The following DLC1 variants were observed in gnomAD, a reference collection of about 807,000 sequenced individuals.
DLC1 encodes DLC1 Rho GTPase activating protein.
A neutral mutation model predicts 140.3 loss-of-function variants in DLC1; 54 were observed. The observed-to-expected ratio is 0.38, with a 90% CI of 0.31 to 0.48. The LOEUF (loss-of-function observed/expected upper bound fraction) is 0.48, where lower values mean the gene tolerates loss of function less well. Among genes scored for constraint, DLC1 ranks in the 20% least tolerant of loss-of-function variants. DLC1 has a pLI of 0.96. For synonymous variants in DLC1, 986 were observed against 728.1 expected (o/e 1.35, Z -5.70); for missense variants, 2,536 against 1,907.0 (o/e 1.33, Z -6.14).
intron 5 of DLC1, among the ~76,000 whole-genome samples, chr8:13,283,673 C>G (rs1188244747): frequency 6.6e-6 from 1 of 152,130 alleles, no homozygotes; most frequent in South Asian, 2.1e-4. Context: ...CACCACTATG[C>G]CTGGCTTATT....
chr8:13,400,022 A>G (rs989531349), intron 3 of DLC1, among the ~76,000 whole-genome samples: 4 of 152,180 alleles, frequency 2.6e-5, no homozygotes, highest in African/African-American at 9.7e-5. Flanking sequence ...CTCTTATTCC[A>G]CTACACAATT....
At chr8:13,140,572 G>A (rs76728330) in intron 5 of DLC1, among the ~76,000 whole-genome samples, 4,658 of 151,238 alleles carry the variant, frequency 0.031, 229 homozygotes, top group African/African-American at 0.11. Context: ...GTCTTTGCTT[G>A]TTGATCTGTA....
chr8:13,488,038 A>T (rs1458499957), intron 2 of DLC1, among the ~76,000 whole-genome samples: 2 of 152,226 alleles, frequency 1.3e-5, no homozygotes, highest in Non-Finnish European at 2.9e-5. Flanking sequence ...TAAGGCCAGT[A>T]TGTGAGTAGA....
In DLC1 at chr8:13,083,392, G is replaced by C. The variant is rs1817297499; in HGVS notation, c.*2419C>G. On this transcript the variant is annotated 3_prime_UTR_variant, in exon 18 of 18. Transcript: ENST00000276297. ...ATAGCAAATAATAAATTTATTAGGT[G>C]CCTACAAGTACAAAATACTGAAAGC... The C allele has an allele frequency of 6.6e-6, 1 of 152,006 alleles. No individual in the cohort carries two copies. 9.4% of individuals were successfully genotyped at this position (152,006 alleles called of 1,614,324 possible).
intron 2 of DLC1, among the ~76,000 whole-genome samples, chr8:13,403,934 C>T (rs1837414228): frequency 6.7e-6 from 1 of 149,664 alleles, no homozygotes; most frequent in South Asian, 2.1e-4. Context: ...GCTGGGATTA[C>T]AGGTTTCTTA....
At position 13,094,997 on chromosome 8, in the gene DLC1, T is replaced by C. The variant is rs772902901; in HGVS notation, c.3328-40A>G. ...ACACTAAGTGTGGGGTACATTCACG[T>C]GGACGCAGTGTTTACACCACACAAC... is the stretch of plus-strand genomic sequence containing the variant. On this transcript the variant is annotated intron_variant, in intron 11 of 17. Transcript: ENST00000276297. 3.1e-6 allele frequency: 5 copies of C among 1,613,994 alleles called. No homozygotes were observed. The South Asian group carries it at 3.3e-5, about 11-fold the overall frequency.
chr8:13,282,330 G>A (rs1226396934), intron 5 of DLC1, among the ~76,000 whole-genome samples: 1 of 152,138 alleles, frequency 6.6e-6, no homozygotes, highest in Non-Finnish European at 1.5e-5. Flanking sequence ...ATTTAGCAGA[G>A]AGGTAGGAAA....
intron 5 of DLC1, among the ~76,000 whole-genome samples, chr8:13,244,181 A>G (rs749704634): frequency 1.3e-5 from 2 of 152,122 alleles, no homozygotes; most frequent in Non-Finnish European, 2.9e-5. Context: ...CCTTCAGGCT[A>G]TGATAATCTT....
intron 5 of DLC1, among the ~76,000 whole-genome samples, chr8:13,258,329 G>A (rs1830337224): frequency 6.6e-6 from 1 of 152,212 alleles, no homozygotes; most frequent in Non-Finnish European, 1.5e-5. Context: ...ACAGAATACA[G>A]AGAAGTACAG....
intron 4 of DLC1, among the ~76,000 whole-genome samples, chr8:13,386,506 T>C (rs535880783): frequency 6.6e-6 from 1 of 152,218 alleles, no homozygotes; most frequent in Non-Finnish European, 1.5e-5. Flanking sequence ...ACCGTGAAGA[T>C]GGAATAACCC....
chr8:13,601,324 T>C (rs746365617), intron 1 of DLC1, among the ~76,000 whole-genome samples: 1 of 151,792 alleles, frequency 6.6e-6, no homozygotes. Context: ...TATCTTATAC[T>C]TCAGTGTATA....
rs201644060 is a variant in DLC1 at position 13,499,320 on chromosome 8, T to C, written c.752A>G (p.Asn251Ser). ...ATCCAAGAACTCATTTTGTACTACA[T>C]TGCAGGTGCTTCTTTCATTTTCATC... is the stretch of plus-strand genomic sequence containing the variant. ...PKDENERSTC[N>S]VVQNEFLDTP... The change falls in exon 2 of 18, where the codon AAT becomes AGT. Residue 251 changes from asparagine (N) to serine (S), a missense_variant. Coordinates refer to ENST00000276297, the MANE Select transcript of DLC1 (RefSeq NM_182643.3). The C allele has an allele frequency of 6.8e-6, 11 of 1,614,090 alleles. No individual in the cohort carries two copies. In the East Asian group the frequency reaches 8.9e-5, roughly 13 times the overall value.
chr8:13,514,838 A>G lies in DLC1; in HGVS notation c.-362T>C. On this transcript the variant is annotated 5_prime_UTR_variant, in exon 1 of 18. Coordinates refer to ENST00000276297, the MANE Select transcript of DLC1 (RefSeq NM_182643.3). Reference sequence around the variant, plus strand: ...AAGGCATTCCTAGTGACTTCTGTCTACTAAATTCAGACTGAGGTTTTGCAA... The same window carrying G: ...AAGGCATTCCTAGTGACTTCTGTCTGCTAAATTCAGACTGAGGTTTTGCAA... 2 of 392,636 alleles carry G rather than the reference A, an allele frequency of 5.1e-6. No individual in the cohort carries two copies. The highest frequency in any genetic ancestry group is 9.0e-6 in the Non-Finnish European group (2 of 222,772). The allele number at this position is 392,636 out of a possible 1,614,324, so 24.3% of individuals were successfully genotyped here.
intron 5 of DLC1, among the ~76,000 whole-genome samples, chr8:13,186,921 G>A (rs1008571192): frequency 7.9e-5 from 12 of 152,182 alleles, no homozygotes; most frequent in Admixed American, 2.6e-4. Context: ...TCAGCTGCAG[G>A]TCTGTTGGAG....
chr8:13,239,414 C>G (rs570200858), intron 5 of DLC1, among the ~76,000 whole-genome samples: 1 of 152,106 alleles, frequency 6.6e-6, no homozygotes, highest in Non-Finnish European at 1.5e-5. Flanking sequence ...AGTTGGGTTA[C>G]AAGGACCAGG....
At chr8:13,547,503 C>G (rs1425057402) in intron 1 of DLC1, among the ~76,000 whole-genome samples, 1 of 152,006 alleles carries the variant, frequency 6.6e-6, no homozygotes, top group African/African-American at 2.4e-5. Flanking sequence ...TCTTCAGGCA[C>G]CAGGATAATG....
At chr8:13,463,199 A>T (rs1381086968) in intron 2 of DLC1, among the ~76,000 whole-genome samples, 1 of 151,980 alleles carries the variant, frequency 6.6e-6, no homozygotes, top group Non-Finnish European at 1.5e-5. Context: ...CATAGTAACT[A>T]GGTGTGACTG....
intron 2 of DLC1, among the ~76,000 whole-genome samples, chr8:13,403,648 C>G (rs562035064): frequency 4.7e-4 from 71 of 151,512 alleles, no homozygotes; most frequent in Middle Eastern, 6.8e-3. Flanking sequence ...CCTTTTTTCC[C>G]TTTTTGCAAC....
At chr8:13,469,353 C>G (rs1042821540) in intron 2 of DLC1, among the ~76,000 whole-genome samples, 1 of 152,104 alleles carries the variant, frequency 6.6e-6, no homozygotes, top group Non-Finnish European at 1.5e-5. Flanking sequence ...TTCCAAAAGT[C>G]TGTACCATGG....
Sources: allele counts gnomAD v4.1 joint callset (sites outside exome capture counted in the v4.1 genomes callset), GRCh38; gene constraint gnomAD v4.1.1; transcripts MANE v1.5; gene names NCBI Gene and HGNC (gene_info 2026-07-23, HGNC 2026-07-21).